TRIO: variants seen among roughly 807,000 people sequenced by gnomAD.
TRIO encodes triple functional domain protein.
Under a neutral mutation model 351.9 loss-of-function variants are expected in TRIO, and 58 were observed. The observed-to-expected ratio is 0.16, with a 90% CI of 0.13 to 0.21. The LOEUF is 0.21. Among genes scored for constraint, TRIO ranks in the 10% least tolerant of loss-of-function variants. The pLI is 1.00. For synonymous variants in TRIO, 1,758 were observed against 1,595.7 expected, an observed-to-expected ratio of 1.10 and a Z score of -2.42; for missense variants, 3,201 against 4,027.8, an observed-to-expected ratio of 0.79 and a Z score of 5.56.
intron 1 of TRIO, among the ~76,000 whole-genome samples, chr5:14,197,153 C>T (rs1050813453): frequency 2.6e-5 from 4 of 152,324 alleles, no homozygotes; most frequent in Admixed American, 1.3e-4. Flanking sequence ...TACTTGGGCA[C>T]GACTAAGTGC....
chr5:14,353,643 C>G (rs1743346066), intron 11 of TRIO, among the ~76,000 whole-genome samples: 1 of 152,140 alleles, frequency 6.6e-6, no homozygotes, highest in South Asian at 2.1e-4. Flanking sequence ...GGTAACTTGT[C>G]AAAGTTACAC....
At chr5:14,289,184 G>T (rs532179415) in intron 4 of TRIO, among the ~76,000 whole-genome samples, 1 of 152,042 alleles carries the variant, frequency 6.6e-6, no homozygotes, top group Admixed American at 6.5e-5. Flanking sequence ...TCAGGAGTTC[G>T]AGACAACCTG....
intron 1 of TRIO, among the ~76,000 whole-genome samples, chr5:14,244,645 A>C (rs1794327399): frequency 6.6e-6 from 1 of 152,246 alleles, no homozygotes; most frequent in African/African-American, 2.4e-5. Flanking sequence ...AGCATTAATC[A>C]TTAAAATAAA....
chr5:14,391,105 TTTTTGTCTATCA>T (rs1280539599), intron 27 of TRIO, 115 bp downstream of exon 27: 2 of 774,834 alleles, frequency 2.6e-6, no homozygotes, highest in East Asian at 3.0e-5. Context: ...TTGTCTATCA[TTTTTGTCTATCA>T]TTTTGTCTAT....
chr5:14,366,667 G>T (rs1744621691), intron 15 of TRIO, among the ~76,000 whole-genome samples, 193 bp from the exon 16 acceptor site: 1 of 152,160 alleles, frequency 6.6e-6, no homozygotes, highest in Non-Finnish European at 1.5e-5. Context: ...TAATTAAAAA[G>T]ATGCAGCACT....
In TRIO at chr5:14,398,105, G is replaced by A. The variant is rs1747766595; in HGVS notation, c.4424-775G>A. On this transcript the variant is annotated intron_variant, in intron 29 of 56. Coordinates refer to ENST00000344204, the MANE Select transcript of TRIO (RefSeq NM_007118.4). Reference sequence around the variant, plus strand: ...CCTGAGCTGCTTTTAACTGTTCCTGGGGCTGGGGGATGGAGTGCTTATTTT... The same window carrying A: ...CCTGAGCTGCTTTTAACTGTTCCTGAGGCTGGGGGATGGAGTGCTTATTTT... Among the ~76,000 whole-genome samples the A allele has an allele frequency of 1.3e-5, 2 of 152,160 alleles. 1 individual carries two copies. The highest frequency in any genetic ancestry group is 4.8e-5 in the African/African-American group (2 of 41,432).
rs374998445 is a variant in TRIO, at chr5:14,498,508, C to A, written c.8211-11C>A. The A allele has an allele frequency of 9.3e-6, 15 of 1,612,860 alleles. 1 individual carries two copies. Among genetic ancestry groups the A allele is most frequent in the Non-Finnish European group, 1.3e-5 (15 of 1,178,954 alleles). On this transcript the variant is annotated splice_polypyrimidine_tract_variant and intron_variant, in intron 52 of 56. Coordinates refer to ENST00000344204, the MANE Select transcript of TRIO (RefSeq NM_007118.4). Reference sequence around the variant, plus strand: ...TTTCTGATGCGCAGTGTGTTCCCATCTGTGCCGCAGTGACCTGGGAGAGGC... The same window carrying A: ...TTTCTGATGCGCAGTGTGTTCCCATATGTGCCGCAGTGACCTGGGAGAGGC...
chr5:14,245,774 C>T (rs1794403065), intron 1 of TRIO, among the ~76,000 whole-genome samples: 1 of 152,234 alleles, frequency 6.6e-6, no homozygotes, highest in Non-Finnish European at 1.5e-5. Context: ...TGGCCCGTGC[C>T]ACAGATCCAG....
Position 14,378,037 on chromosome 5 carries a change from G to A in TRIO, c.3357G>A (p.Arg1119=). Residue 1119 remains arginine (R), a synonymous_variant, in exon 20 of 57, where the codon CGG becomes CGA. Transcript: ENST00000344204. ...ATATCTTGAATGAACTCTTCCAACG[G>A]GAGAACAGGGTATTGCATTACTGGA... ...VKNILNELFQ[R]ENRVLHYWTM... 1 of 1,613,110 alleles carries A rather than the reference G, an allele frequency of 6.2e-7. No homozygotes were observed. The highest frequency in any genetic ancestry group is 8.5e-7 in the Non-Finnish European group (1 of 1,179,646).
chr5:14,475,681 C>G (rs1283789911), intron 40 of TRIO, among the ~76,000 whole-genome samples: 1 of 152,230 alleles, frequency 6.6e-6, no homozygotes, highest in Non-Finnish European at 1.5e-5. Flanking sequence ...TGAACAACTA[C>G]AGTGAAACCA....
At chr5:14,454,603 A>G in intron 34 of TRIO, among the ~76,000 whole-genome samples, 1 of 152,296 alleles carries the variant, frequency 6.6e-6, no homozygotes, top group East Asian at 1.9e-4. Flanking sequence ...CCTGTTTGTC[A>G]TTTATTCAGT....
chr5:14,296,399 A>G (rs1210601421), intron 6 of TRIO, among the ~76,000 whole-genome samples: 1 of 152,230 alleles, frequency 6.6e-6, no homozygotes, highest in African/African-American at 2.4e-5. Flanking sequence ...TTGTTCTGCA[A>G]AAAGGGTGGG....
chr5:14,443,304 G>A (rs2126364032), intron 34 of TRIO, among the ~76,000 whole-genome samples: 1 of 152,242 alleles, frequency 6.6e-6, no homozygotes, highest in Middle Eastern at 3.4e-3. Flanking sequence ...GGATAGATAA[G>A]AAAAAGCGAA....
At chr5:14,248,621 C>T (rs1159581488) in intron 1 of TRIO, among the ~76,000 whole-genome samples, 2 of 152,208 alleles carry the variant, frequency 1.3e-5, no homozygotes, top group Non-Finnish European at 2.9e-5. Flanking sequence ...CTTGCAAGCG[C>T]CGTCCACACA....
chr5:14,408,078 C>T (rs570617488), intron 33 of TRIO, among the ~76,000 whole-genome samples: 3 of 152,340 alleles, frequency 2.0e-5, no homozygotes, highest in African/African-American at 7.2e-5. Context: ...GCAGCCCACT[C>T]ATTGGTAGGA....
At position 14,492,036 on chromosome 5, in the gene TRIO, T is replaced by C. The variant is rs938695243; in HGVS notation, c.7633-531T>C. Among the ~76,000 whole-genome samples the C allele has an allele frequency of 1.1e-4, 17 of 152,368 alleles. 1 individual carries two copies. Among genetic ancestry groups the C allele is most frequent in the Admixed American group, 1.0e-3 (16 of 15,310 alleles). The stretch of plus-strand genomic sequence containing the variant: ...TTTGAAGAGACGAAGTAGAAATGAT[T>C]AGGCATGTCAGCAACTTAGCATGAT... On this transcript the variant is annotated intron_variant, in intron 48 of 56. Coordinates refer to ENST00000344204, the MANE Select transcript of TRIO (RefSeq NM_007118.4).
rs570013431 is a variant in TRIO at position 14,208,870 on chromosome 5, A to G, written c.158-61955A>G. The stretch of plus-strand genomic sequence containing the variant: ...GAACTCTGAACCCTCTGCTGGTTCT[A>G]AGGGTTGCCTCATTTTCGAATCATC... On this transcript the variant is annotated intron_variant, in intron 1 of 56. Transcript: ENST00000344204. 2.6e-5 allele frequency among the ~76,000 whole-genome samples: 4 copies of G among 152,328 alleles called. No homozygotes were observed. In the South Asian group the frequency reaches 8.3e-4, roughly 32 times the overall value.
chr5:14,153,470 A>C (rs997902227), intron 1 of TRIO, among the ~76,000 whole-genome samples: 1 of 152,182 alleles, frequency 6.6e-6, no homozygotes, highest in East Asian at 1.9e-4. Flanking sequence ...TCTCTAAGAA[A>C]ACCTGGTAAA....
At chr5:14,188,560 A>G (rs1230759061) in intron 1 of TRIO, among the ~76,000 whole-genome samples, 10 of 152,260 alleles carry the variant, frequency 6.6e-5, no homozygotes, top group African/African-American at 2.4e-4. Context: ...TGCCTTATAC[A>G]TACTAAAGTT....
Sources: allele counts gnomAD v4.1 joint callset (sites outside exome capture counted in the v4.1 genomes callset), GRCh38; gene constraint gnomAD v4.1.1; transcripts MANE v1.5; gene names NCBI Gene and HGNC (gene_info 2026-07-23, HGNC 2026-07-21).